The following SPATA21 variants were observed in gnomAD, a reference collection of about 807,000 sequenced individuals.
SPATA21 encodes spermatogenesis-associated protein 21.
A neutral mutation model predicts 54.8 loss-of-function variants in SPATA21; 47 were observed. The observed-to-expected ratio is 0.86, with a 90% CI of 0.68 to 1.09. The LOEUF (loss-of-function observed/expected upper bound fraction) is 1.09. Ranked by LOEUF, SPATA21 falls within the 50% of genes least tolerant of loss-of-function variation. The pLI is 0.00. For missense variants in SPATA21, 599 were observed against 596.4 expected, an observed-to-expected ratio of 1.00 and a Z score of -0.05; for synonymous variants, 245 against 235.3, an observed-to-expected ratio of 1.04 and a Z score of -0.38.
intron 5 of SPATA21, among the ~76,000 whole-genome samples, chr1:16,413,668 C>T (rs980118521): frequency 2.0e-5 from 3 of 152,090 alleles, no homozygotes; most frequent in African/African-American, 7.2e-5. Context: ...GGCTGGAGTA[C>T]AATGGCGTGA....
intron 10 of SPATA21, among the ~76,000 whole-genome samples, chr1:16,401,995 G>A (rs988160996): frequency 1.3e-5 from 2 of 152,148 alleles, no homozygotes; most frequent in African/African-American, 2.4e-5. Context: ...TACTCCAGCC[G>A]TCTACTAACA....
chr1:16,407,712 C>G (rs998317476), intron 7 of SPATA21, among the ~76,000 whole-genome samples: 2 of 151,928 alleles, frequency 1.3e-5, no homozygotes, highest in African/African-American at 2.4e-5. Context: ...CCCGCCTAAG[C>G]CTCCCAAAGT....
downstream of SPATA21, chr1:16,397,743 A>G (rs2085336358): frequency 1.3e-5 from 2 of 153,602 alleles, no homozygotes; most frequent in African/African-American, 4.8e-5. This position sits in a 1 kb window ranked among gnomAD's most constrained non-coding sequence, Gnocchi z 5.4. Context: ...GGTGCTCCCC[A>G]CCTGCAGGCA....
intron 10 of SPATA21, among the ~76,000 whole-genome samples, chr1:16,402,249 CTTTTTTT>C (rs869032281): frequency 1.8e-5 from 1 of 55,946 alleles, no homozygotes; most frequent in Non-Finnish European, 2.9e-5. Context: ...AGCTGCCATT[CTTTTTTT>C]TTTTTTTTTT....
intron 3 of SPATA21, among the ~76,000 whole-genome samples, chr1:16,423,829 C>T (rs374091903): frequency 1.2e-4 from 18 of 152,126 alleles, no homozygotes; most frequent in African/African-American, 3.4e-4. Context: ...CAGGCTGAGC[C>T]ACCGCACCCG....
In SPATA21 at chr1:16,427,206, T is replaced by A. The variant is rs985392997; in HGVS notation, c.34+4132A>T. On this transcript the variant is annotated intron_variant, in intron 3 of 12. Coordinates refer to ENST00000335496, the MANE Select transcript of SPATA21 (RefSeq NM_198546.1). ...CAAATTGCCACGTTGATGAAACAGG[T>A]ATGCTTAAATGGTTTCTATTTCCAC... Among the ~76,000 whole-genome samples the A allele has an allele frequency of 4.6e-5, 7 of 152,162 alleles. No individual in the cohort carries two copies. In the South Asian group the frequency reaches 1.5e-3, roughly 32 times the overall value.
At chr1:16,398,616 G>T, downstream of SPATA21, 1 of 815,294 alleles carries the variant, frequency 1.2e-6, no homozygotes, top group South Asian at 1.6e-5. Flanking sequence ...CAACTTGAGG[G>T]CCTTTCTTGG....
chr1:16,421,256 A>G lies in SPATA21; in HGVS notation c.144+253T>C, dbSNP rs796769129. Among the ~76,000 whole-genome samples, 15 of 152,160 alleles carry G rather than the reference A, an allele frequency of 9.9e-5. No homozygotes were observed. Among genetic ancestry groups the G allele is most frequent in the African/African-American group, 3.6e-4 (15 of 41,510 alleles). ...CAAGCCACCACCTGGGATGAACCCAAGGGCTCCAGAGTGTAAGAGCATTCT... is the reference window on the plus strand; with the variant it reads ...CAAGCCACCACCTGGGATGAACCCAGGGGCTCCAGAGTGTAAGAGCATTCT... On this transcript the variant is annotated intron_variant, in intron 5 of 12. Coordinates refer to ENST00000335496, the MANE Select transcript of SPATA21 (RefSeq NM_198546.1). The surrounding 1 kb of genome is among the most constrained non-coding windows in gnomAD (Gnocchi z 5.2).
Position 16,403,717 on chromosome 1 carries a change from C to A in SPATA21, c.1001+10G>T. On this transcript the variant is annotated intron_variant, in intron 10 of 12. Transcript: ENST00000335496. ...ACAACCCTTCACCCCCAACAACCGGCCCCACTCACTTTGTGATTTCCTCTA... is the reference window on the plus strand; with the variant it reads ...ACAACCCTTCACCCCCAACAACCGGACCCACTCACTTTGTGATTTCCTCTA... 2 of 1,609,204 alleles carry A rather than the reference C, an allele frequency of 1.2e-6. No homozygotes were observed. The highest frequency in any genetic ancestry group is 2.2e-5 in the South Asian group (2 of 90,896).
At chr1:16,430,582 C>T (rs1448798824) in intron 3 of SPATA21, among the ~76,000 whole-genome samples, 2 of 152,138 alleles carry the variant, frequency 1.3e-5, no homozygotes, top group Non-Finnish European at 2.9e-5. Flanking sequence ...GGGCTGGAGG[C>T]TGTGAGGGGA....
rs111822096 is a variant in SPATA21 at position 16,418,848 on chromosome 1, T to C, written c.144+2661A>G. Reference sequence around the variant, plus strand: ...TAAGCCACTGCATCCGGCCTAGTTCTTATTTCTCATCTGACTTCTCACTAG... The same window carrying C: ...TAAGCCACTGCATCCGGCCTAGTTCCTATTTCTCATCTGACTTCTCACTAG... On this transcript the variant is annotated intron_variant, in intron 5 of 12. Coordinates refer to ENST00000335496, the MANE Select transcript of SPATA21 (RefSeq NM_198546.1). Among the ~76,000 whole-genome samples the C allele has an allele frequency of 7.2e-3, 1,094 of 152,322 alleles. 8 individuals are homozygous for C. The highest frequency in any genetic ancestry group is 0.025 in the African/African-American group (1,040 of 41,580).
intron 5 of SPATA21, among the ~76,000 whole-genome samples, chr1:16,412,620 G>A (rs1348328914): frequency 3.3e-5 from 5 of 151,380 alleles, no homozygotes; most frequent in African/African-American, 1.2e-4. Context: ...GTACCACCAT[G>A]CCCGGCTAAT....
At chr1:16,401,329 CTG>C (rs753088821) in intron 10 of SPATA21, among the ~76,000 whole-genome samples, 21 of 152,174 alleles carry the variant, frequency 1.4e-4, no homozygotes, top group Admixed American at 5.2e-4. Flanking sequence ...GAGTCTCACT[CTG>C]TTACCCAGGC....
At chr1:16,406,648 G>A (rs1181531978) in intron 7 of SPATA21, among the ~76,000 whole-genome samples, 1 of 152,164 alleles carries the variant, frequency 6.6e-6, no homozygotes, top group East Asian at 1.9e-4. Flanking sequence ...AGGCTGAGGT[G>A]GAAGGATTAC....
chr1:16,402,948 T>C (rs1483024188), intron 10 of SPATA21, among the ~76,000 whole-genome samples: 1 of 152,186 alleles, frequency 6.6e-6, no homozygotes, highest in Non-Finnish European at 1.5e-5. Context: ...CTAGCATTTA[T>C]TGAGCAACAA....
chr1:16,405,567 A>G (rs897279762), intron 7 of SPATA21, among the ~76,000 whole-genome samples: 3 of 151,432 alleles, frequency 2.0e-5, no homozygotes, highest in Non-Finnish European at 2.9e-5. Context: ...AGGCTCAGAC[A>G]GTAGGATCCC....
intron 5 of SPATA21, among the ~76,000 whole-genome samples, chr1:16,416,197 G>C (rs1389171664): frequency 6.6e-6 from 1 of 152,158 alleles, no homozygotes; most frequent in Non-Finnish European, 1.5e-5. Context: ...CCAGCCTCGG[G>C]GTGCTCTAGT....
At chr1:16,403,639 C>T (rs1172648192) in intron 10 of SPATA21, 88 bp downstream of exon 10, 5 of 1,169,216 alleles carry the variant, frequency 4.3e-6, no homozygotes, top group South Asian at 2.5e-5. Flanking sequence ...GACTAAAAGT[C>T]GTAACTACCA....
intron 3 of SPATA21, 72 bp from the exon 4 acceptor site, chr1:16,422,043 G>T: frequency 6.2e-7 from 1 of 1,612,510 alleles, no homozygotes. Context: ...GCTGGGCTCT[G>T]GCGGAGCCTC....
Sources: gnomAD v4.1 joint callset for allele counts (sites outside exome capture counted in the v4.1 genomes callset) on GRCh38, gnomAD v4.1.1 for gene constraint, Gnocchi (gnomAD v3.1) non-coding constraint, MANE v1.5 for transcripts, NCBI Gene and HGNC (gene_info 2026-07-23, HGNC 2026-07-21) for gene names.